The following TNS3 variants were observed in gnomAD, a reference collection of about 807,000 sequenced individuals.
The protein encoded by TNS3 is tensin 3, also known as tensin-3.
In TNS3, 45 loss-of-function variants were observed where a neutral mutation model predicts 140.9. The observed-to-expected ratio is 0.32, with a 90% confidence interval of 0.25 to 0.41. TNS3 has a LOEUF of 0.41. Ranked by LOEUF, TNS3 falls within the 10% of genes least tolerant of loss-of-function variation. The pLI is 1.00. For synonymous variants in TNS3, 815 were observed against 788.4 expected, an observed-to-expected ratio of 1.03 and a Z score of -0.56; for missense variants, 1,716 against 1,906.7, an observed-to-expected ratio of 0.90 and a Z score of 1.86.
chr7:47,528,273 A>C (rs1301001023), intron 2 of TNS3, among the ~76,000 whole-genome samples: 3 of 152,198 alleles, frequency 2.0e-5, no homozygotes, highest in Non-Finnish European at 4.4e-5. Context: ...TAAAGTGGCC[A>C]TCAGGGACCA....
chr7:47,380,766 GCGCGCA>G (rs1791707255), intron 16 of TNS3, among the ~76,000 whole-genome samples: 2 of 140,894 alleles, frequency 1.4e-5, no homozygotes, highest in Admixed American at 7.1e-5. Context: ...ATATGCACGC[GCGCGCA>G]CACACACACA....
rs375313375 is a variant in TNS3, at chr7:47,439,969, G to A, written c.-22-311C>T. ...CGCATGGGCTCAAATGCAAAAGCACGAAGGCGGGAAGGACTCTTTGTGGTT... is the reference window on the plus strand; with the variant it reads ...CGCATGGGCTCAAATGCAAAAGCACAAAGGCGGGAAGGACTCTTTGTGGTT... On this transcript the variant is annotated intron_variant, in intron 5 of 30. Coordinates refer to ENST00000311160, the MANE Select transcript of TNS3 (RefSeq NM_022748.12). 1.6e-3 allele frequency among the ~76,000 whole-genome samples: 239 copies of A among 152,260 alleles called. 2 individuals carry two copies. The South Asian group carries it at 0.029, about 18-fold the overall frequency.
At chr7:47,417,438 C>A (rs1371618667) in intron 10 of TNS3, among the ~76,000 whole-genome samples, 2 of 152,332 alleles carry the variant, frequency 1.3e-5, no homozygotes, top group East Asian at 3.9e-4. Context: ...AGGCCAAAGT[C>A]CAGGGCCACA....
intron 20 of TNS3, among the ~76,000 whole-genome samples, chr7:47,342,987 G>A (rs1789105364): frequency 6.6e-6 from 1 of 152,182 alleles, no homozygotes; most frequent in African/African-American, 2.4e-5. Flanking sequence ...ACCCTCCCTG[G>A]GGACTGCTGA....
chr7:47,518,062 T>C (rs910380162), intron 2 of TNS3, among the ~76,000 whole-genome samples: 1 of 152,192 alleles, frequency 6.6e-6, no homozygotes, highest in Admixed American at 6.5e-5. Context: ...AACTCCAGTA[T>C]TTGCACAGGC....
intron 4 of TNS3, among the ~76,000 whole-genome samples, chr7:47,453,566 T>C (rs142272748): frequency 2.6e-5 from 4 of 152,326 alleles, no homozygotes; most frequent in African/African-American, 7.2e-5. Flanking sequence ...GAATTTGAGA[T>C]GACTCATCGA....
intron 9 of TNS3, 125 bp downstream of exon 9, chr7:47,428,187 G>T: frequency 1.7e-6 from 1 of 587,110 alleles, no homozygotes. Context: ...CCAGCACTGG[G>T]GAATGGGAAA....
chr7:47,297,481 C>G (rs909735224), intron 23 of TNS3, among the ~76,000 whole-genome samples: 1 of 152,158 alleles, frequency 6.6e-6, no homozygotes, highest in East Asian at 1.9e-4. Context: ...CTCTCTTTAG[C>G]TAGACTGAGG....
intron 13 of TNS3, among the ~76,000 whole-genome samples, chr7:47,401,494 T>A (rs774067527): frequency 6.6e-6 from 1 of 151,838 alleles, no homozygotes; most frequent in African/African-American, 2.4e-5. Flanking sequence ...ACAGAGAGGG[T>A]GTTGGCATTT....
intron 20 of TNS3, among the ~76,000 whole-genome samples, chr7:47,341,950 C>T (rs1421393999): frequency 1.3e-5 from 2 of 152,034 alleles, no homozygotes; most frequent in Non-Finnish European, 2.9e-5. Context: ...GGATTTCCCT[C>T]GAGACCTCTT....
At chr7:47,544,608 C>A (rs1436823543) in intron 1 of TNS3, among the ~76,000 whole-genome samples, 1 of 152,112 alleles carries the variant, frequency 6.6e-6, no homozygotes, top group Non-Finnish European at 1.5e-5. Flanking sequence ...GAGCCTTGAT[C>A]TTGGACTTCC....
chr7:47,483,686 G>A (rs1797508788), intron 3 of TNS3, among the ~76,000 whole-genome samples: 1 of 152,168 alleles, frequency 6.6e-6, no homozygotes, highest in African/African-American at 2.4e-5. Context: ...GGCCAGATGG[G>A]GTGCAATAAC....
intron 3 of TNS3, among the ~76,000 whole-genome samples, chr7:47,503,672 T>A (rs1364179892): frequency 6.6e-6 from 1 of 152,214 alleles, no homozygotes; most frequent in Non-Finnish European, 1.5e-5. Context: ...TCACTTTTTT[T>A]ATGCAGGAAG....
intron 8 of TNS3, 73 bp downstream of exon 8, chr7:47,435,209 G>A (rs1795118497): frequency 1.3e-6 from 2 of 1,591,338 alleles, no homozygotes; most frequent in African/African-American, 1.3e-5. Flanking sequence ...CTCAGATGCA[G>A]CATTGGTCTC....
chr7:47,395,342 C>T lies in TNS3; in HGVS notation c.1024+1458G>A, dbSNP rs192242210. Among the ~76,000 whole-genome samples, 50 of 152,316 alleles carry T rather than the reference C, an allele frequency of 3.3e-4. No individual in the cohort carries two copies. The East Asian group carries it at 9.5e-3, about 29-fold the overall frequency. On this transcript the variant is annotated intron_variant, in intron 16 of 30. Coordinates refer to ENST00000311160, the MANE Select transcript of TNS3 (RefSeq NM_022748.12). ...CCCATCCAGCTCTCCAAATTAGCCC[C>T]TTTCCCCATCTTGCCTTGCGATGAT...
chr7:47,369,029 C>T lies in TNS3; in HGVS notation c.1617G>A (p.Pro539=), dbSNP rs567004030. 1.2e-5 allele frequency: 19 copies of T among 1,613,860 alleles called. 1 individual carries two copies. The South Asian group carries it at 1.2e-4, about 10-fold the overall frequency. The change falls in exon 17 of 31, where the codon CCG becomes CCA. Residue 539 remains proline (P), a synonymous_variant. Coordinates refer to ENST00000311160, the MANE Select transcript of TNS3 (RefSeq NM_022748.12). The part of the protein sequence containing the change: ...VGEDPQGTLV[P]DLGLGMDGPY... Reference sequence around the variant, plus strand: ...GGCCGTCCATGCCAAGGCCCAGGTCCGGAACGAGGGTGCCCTGCGGATCTT... The same window carrying T: ...GGCCGTCCATGCCAAGGCCCAGGTCTGGAACGAGGGTGCCCTGCGGATCTT...
chr7:47,322,784 C>T (rs1472304006), intron 20 of TNS3, among the ~76,000 whole-genome samples: 1 of 152,152 alleles, frequency 6.6e-6, no homozygotes, highest in African/African-American at 2.4e-5. Flanking sequence ...AGAAGCCCTA[C>T]CCGGGGCATG....
chr7:47,391,727 G>A (rs974859630), intron 16 of TNS3, among the ~76,000 whole-genome samples: 1 of 152,148 alleles, frequency 6.6e-6, no homozygotes. Context: ...ATGCTGCTGT[G>A]GGCATTCCCT....
chr7:47,290,855 CTT>C (rs959458660), intron 27 of TNS3, among the ~76,000 whole-genome samples: 2 of 152,214 alleles, frequency 1.3e-5, no homozygotes, highest in Non-Finnish European at 1.5e-5. Flanking sequence ...GAGTTGAAAA[CTT>C]ATATCCACTC....
Sources: allele counts gnomAD v4.1 joint callset (sites outside exome capture counted in the v4.1 genomes callset), GRCh38; gene constraint gnomAD v4.1.1; transcripts MANE v1.5; gene names NCBI Gene and HGNC (gene_info 2026-07-23, HGNC 2026-07-21).